STK3: variants seen among roughly 807,000 people sequenced by gnomAD.
STK3 encodes serine/threonine-protein kinase 3.
STK3 carries 41 observed loss-of-function variants against 58.0 expected under a neutral mutation model. The ratio of observed to expected loss-of-function variants is 0.71; its 90% CI spans 0.55 to 0.92. STK3 has a LOEUF of 0.92. Among genes scored for constraint, STK3 ranks in the 40% least tolerant of loss-of-function variants. The pLI is 0.00. For synonymous variants in STK3, 170 were observed against 191.0 expected, an observed-to-expected ratio of 0.89 and a Z score of 0.91; for missense variants, 479 against 602.7, an observed-to-expected ratio of 0.79 and a Z score of 2.15.
Position 98,526,820 on chromosome 8 carries a change from G to C in STK3, c.1239C>G (p.Asn413Lys), listed in dbSNP as rs371715105. 1 of 1,601,198 alleles carries C rather than the reference G, an allele frequency of 6.2e-7. No individual in the cohort carries two copies. The highest frequency in any genetic ancestry group is 1.7e-5 in the Admixed American group (1 of 59,268). The stretch of plus-strand genomic sequence containing the variant: ...TGGACATAGGGAAGGGTTCATGCAT[G>C]TTCTGATTACAGTTTTCGTGACTCT... ...KNKSHENCNQ[N>K]MHEPFPMSKN... The change falls in exon 10 of 11, where the codon AAC (asparagine) becomes AAG (lysine). Residue 413 changes from asparagine to lysine, a missense_variant. Physicochemically the swap from Asn to Lys is moderately conservative, Grantham distance 94. Around this residue, in one of 3 missense-constraint regions of STK3, gnomAD observed 309 missense variants for 355.7 expected, o/e 0.87. Transcript: ENST00000419617.
chr8:98,785,139 G>A (rs1326717805), intron 1 of STK3, among the ~76,000 whole-genome samples: 4 of 150,946 alleles, frequency 2.6e-5, no homozygotes, highest in Admixed American at 1.3e-4. Context: ...ATTGGGCCAT[G>A]CCACTCTTCC....
At chr8:98,529,344 C>T (rs1217781364) in intron 9 of STK3, among the ~76,000 whole-genome samples, 2 of 152,066 alleles carry the variant, frequency 1.3e-5, no homozygotes, top group African/African-American at 2.4e-5. Flanking sequence ...TTCCTTTCTC[C>T]CTACTTTTGG....
rs1013781674 is a variant in STK3 at position 98,785,050 on chromosome 8, T to C, written c.27-10231A>G. ...GCTCCATCCTTCTATACATAGATTA[T>C]GGTGCAGCAAGGCCCTTCCACTCCA... On this transcript the variant is annotated intron_variant, in intron 1 of 10. Transcript: ENST00000419617. 3.3e-5 allele frequency among the ~76,000 whole-genome samples: 5 copies of C among 152,212 alleles called. No individual in the cohort carries two copies. In the East Asian group the frequency reaches 5.8e-4, roughly 18 times the overall value.
At chr8:98,671,673 C>T (rs1421681644) in intron 6 of STK3, among the ~76,000 whole-genome samples, 3 of 152,016 alleles carry the variant, frequency 2.0e-5, no homozygotes, top group Non-Finnish European at 4.4e-5. Flanking sequence ...CCTCGACCTC[C>T]TGAGCTCAAA....
At chr8:98,905,641 G>T (rs1838867547) in intron 1 of STK3, 3 of 832,476 alleles carry the variant, frequency 3.6e-6, no homozygotes, top group Non-Finnish European at 6.3e-6. Context: ...TGGCCTCCTG[G>T]GGCAGGTTTC....
intron 1 of STK3, among the ~76,000 whole-genome samples, chr8:98,784,623 A>G (rs901205342): frequency 1.3e-5 from 2 of 152,158 alleles, no homozygotes; most frequent in African/African-American, 2.4e-5. Context: ...TCTGCTCCAC[A>G]TGCAGGCAGA....
chr8:98,645,537 CA>C (rs1442781387), intron 6 of STK3, among the ~76,000 whole-genome samples: 1 of 152,084 alleles, frequency 6.6e-6, no homozygotes, highest in Admixed American at 6.5e-5. Context: ...TAAACTGTAG[CA>C]AAAGTGAATG....
At chr8:98,662,264 TAA>T (rs1402176503) in intron 6 of STK3, among the ~76,000 whole-genome samples, 1 of 152,156 alleles carries the variant, frequency 6.6e-6, no homozygotes, top group Non-Finnish European at 1.5e-5. Flanking sequence ...TAAAAATAAG[TAA>T]ATCGATATAC....
At chr8:98,738,698 G>A (rs1563946917) in intron 4 of STK3, among the ~76,000 whole-genome samples, 1 of 152,184 alleles carries the variant, frequency 6.6e-6, no homozygotes, top group Non-Finnish European at 1.5e-5. Flanking sequence ...TCCATCTGAG[G>A]TACCAGGTTC....
chr8:98,374,867 G>C (rs1451314147), intron 2 of STK3, among the ~76,000 whole-genome samples: 1 of 152,204 alleles, frequency 6.6e-6, no homozygotes, highest in African/African-American at 2.4e-5. Context: ...AGAGGGGCTA[G>C]AGAAGGTTGG....
intron 6 of STK3, among the ~76,000 whole-genome samples, chr8:98,621,652 A>G (rs982705832): frequency 1.3e-5 from 2 of 151,980 alleles, no homozygotes; most frequent in African/African-American, 4.8e-5. Context: ...ACATTATGTG[A>G]CTTTTCTTCT....
chr8:98,914,811 G>A (rs1839284024), intron 1 of STK3, among the ~76,000 whole-genome samples: 1 of 152,160 alleles, frequency 6.6e-6, no homozygotes, highest in Admixed American at 6.5e-5. Context: ...GTGGTTGATT[G>A]AAGGAAAAAT....
chr8:98,729,494 A>G (rs1828023342), intron 4 of STK3, among the ~76,000 whole-genome samples: 1 of 152,208 alleles, frequency 6.6e-6, no homozygotes, highest in Non-Finnish European at 1.5e-5. Flanking sequence ...TTCTTCATTA[A>G]CAACAATAAT....
At chr8:98,599,909 A>T (rs1021689474) in intron 6 of STK3, among the ~76,000 whole-genome samples, 1 of 152,144 alleles carries the variant, frequency 6.6e-6, no homozygotes, top group African/African-American at 2.4e-5. Context: ...TGGAGGTTAC[A>T]ACGAGCCAAG....
At position 98,428,622 on chromosome 8, in the gene STK3, C is replaced by T. The variant is rs1462044926; in HGVS notation, n.483+5505G>A. 1.2e-6 allele frequency: 2 copies of T among 1,614,176 alleles called. No homozygotes were observed. Among genetic ancestry groups the T allele is most frequent in the Non-Finnish European group, 1.7e-6 (2 of 1,180,030 alleles). On this transcript the variant is annotated intron_variant and non_coding_transcript_variant, in intron 3 of 3. Transcript: ENST00000517832. This position sits in a 1 kb window ranked among gnomAD's most constrained non-coding sequence, Gnocchi z 6.7. ...CAATAGCCTGCCCGATTTCCAAATC[C>T]CTGACAGCCAGGGCAACCCTGGCGA...
chr8:98,755,317 G>C (rs1440697140), intron 3 of STK3, among the ~76,000 whole-genome samples: 1 of 152,162 alleles, frequency 6.6e-6, no homozygotes, highest in African/African-American at 2.4e-5. Flanking sequence ...ACACTAGCAT[G>C]AATATACAGG....
chr8:98,741,607 G>T (rs1400683366), intron 4 of STK3, among the ~76,000 whole-genome samples: 1 of 152,078 alleles, frequency 6.6e-6, no homozygotes, highest in Non-Finnish European at 1.5e-5. Flanking sequence ...TGTGTAGAGG[G>T]AAATTTATAG....
At chr8:98,756,960 T>C (rs571766402) in intron 3 of STK3, among the ~76,000 whole-genome samples, 1 of 152,260 alleles carries the variant, frequency 6.6e-6, no homozygotes, top group Non-Finnish European at 1.5e-5. Flanking sequence ...TAAACCTGTT[T>C]ACCCTATCTC....
At chr8:98,473,498 C>T (rs1392805917) in intron 10 of STK3, among the ~76,000 whole-genome samples, 2 of 152,150 alleles carry the variant, frequency 1.3e-5, no homozygotes, top group Non-Finnish European at 2.9e-5. Flanking sequence ...CCCTCTTCTC[C>T]TTTAGAAAGT....
Sources: allele counts gnomAD v4.1 joint callset (sites outside exome capture counted in the v4.1 genomes callset), GRCh38; gene constraint gnomAD v4.1.1; regional missense constraint gnomAD v4.1.1; non-coding constraint Gnocchi (gnomAD v3.1); transcripts MANE v1.5; gene names NCBI Gene and HGNC (gene_info 2026-07-23, HGNC 2026-07-21).